ANXA8: variants seen among roughly 807,000 people sequenced by gnomAD.
ANXA8 encodes VAC-beta.
In ANXA8, 9 loss-of-function variants were observed where a neutral mutation model predicts 26.8. The observed-to-expected ratio is 0.34, with a 90% confidence interval of 0.20 to 0.59. The LOEUF is 0.59. ANXA8 is among the 20% of genes least tolerant of loss of function. The pLI is 0.84. For synonymous variants in ANXA8, 39 were observed against 94.8 expected (o/e 0.41, Z 3.42); for missense variants, 83 against 238.5 (o/e 0.35, Z 4.29).
At chr10:47,737,060 G>C in the ANXA8 span, among the ~76,000 whole-genome samples, 2 of 148,718 alleles carry the variant, frequency 1.3e-5, no homozygotes, top group Non-Finnish European at 3.0e-5. Flanking sequence ...ATTTTTATGT[G>C]GGAGAAGCCT....
rs1245478111 is a variant in ANXA8 at position 47,474,054 on chromosome 10, A to G, written c.658T>C (p.Tyr220His). ...ATHLLRVFEE[Y>H]EKIANKSIED... ...ATGCTCTTGTTGGCAATTTTCTCATACTCTTCAAACACTGTGGAGAGGGCT... is the reference window on the plus strand; with the variant it reads ...ATGCTCTTGTTGGCAATTTTCTCATGCTCTTCAAACACTGTGGAGAGGGCT... The change falls in exon 9 of 12, where the codon TAT becomes CAT. Residue 220 changes from tyrosine (Y) to histidine (H), a missense_variant. Physicochemically the swap from Tyr to His is moderately conservative, Grantham distance 83 (BLOSUM62 2). This residue lies in a region of ANXA8 where 28 missense variants were observed against 37.7 expected (regional missense o/e 0.74). Coordinates refer to ENST00000585281, the MANE Select transcript of ANXA8 (RefSeq NM_001040084.3). 2 of 539,316 alleles carry G rather than the reference A, an allele frequency of 3.7e-6. No homozygotes were observed. Among genetic ancestry groups the G allele is most frequent in the African/African-American group, 5.0e-5 (2 of 40,298 alleles). The allele number at this position is 539,316 out of a possible 1,614,324, so 33.4% of individuals were successfully genotyped here. A position where few individuals can be genotyped will look rare whatever the true frequency, so the allele number is the denominator to read the frequency against.
the ANXA8 span, among the ~76,000 whole-genome samples, chr10:47,558,129 A>G: frequency 6.6e-6 from 1 of 151,954 alleles, no homozygotes; most frequent in Non-Finnish European, 1.5e-5. Context: ...GTTAACATAA[A>G]ATAACTGTTT....
the ANXA8 span, among the ~76,000 whole-genome samples, chr10:47,623,994 T>C: frequency 1.0e-5 from 1 of 98,728 alleles, no homozygotes; most frequent in African/African-American, 4.0e-5. Context: ...TCCAGCACTT[T>C]GGGAGGCTGA....
the ANXA8 span, among the ~76,000 whole-genome samples, chr10:47,679,499 C>G: frequency 6.6e-6 from 1 of 151,906 alleles, no homozygotes; most frequent in Admixed American, 6.6e-5. Context: ...TCTGTAATCC[C>G]ACTTACTTGG....
the ANXA8 span, among the ~76,000 whole-genome samples, chr10:47,959,942 C>A: frequency 6.6e-6 from 1 of 151,174 alleles, no homozygotes; most frequent in Non-Finnish European, 1.5e-5. Flanking sequence ...AGGAGCTGTG[C>A]CTAGGCCTGC....
the ANXA8 span, among the ~76,000 whole-genome samples, chr10:47,684,566 T>C: frequency 6.6e-6 from 1 of 151,898 alleles, no homozygotes. Flanking sequence ...TTTGTAAACT[T>C]TCTTAAAACA....
upstream of ANXA8, among the ~76,000 whole-genome samples, chr10:47,485,057 C>A (rs1230611668): frequency 6.7e-6 from 1 of 150,020 alleles, no homozygotes; most frequent in Non-Finnish European, 1.5e-5. Flanking sequence ...TATTTGTTAA[C>A]CATTCCCTTT....
the ANXA8 span, among the ~76,000 whole-genome samples, chr10:47,645,243 C>T: frequency 6.8e-6 from 1 of 147,300 alleles, no homozygotes; most frequent in Non-Finnish European, 1.5e-5. Flanking sequence ...TATGAAAGCC[C>T]ACTTTATTCC....
At chr10:47,517,234 C>A in the ANXA8 span, among the ~76,000 whole-genome samples, 274 of 79,040 alleles carry the variant, frequency 3.5e-3, no homozygotes, top group African/African-American at 0.017. Flanking sequence ...TATTTTTGTT[C>A]TTTCATTAAA....
chr10:47,586,574 G>A, the ANXA8 span, among the ~76,000 whole-genome samples: 2 of 145,720 alleles, frequency 1.4e-5, no homozygotes, highest in East Asian at 3.9e-4. Context: ...GGCCCCGGGG[G>A]ATCCTCAGGG....
chr10:47,762,643 G>A, the ANXA8 span: 2 of 690,276 alleles, frequency 2.9e-6, no homozygotes, highest in Non-Finnish European at 4.0e-6. Flanking sequence ...CCCGCCATGG[G>A]GCTGCTCCCG....
chr10:47,647,776 AC>A, the ANXA8 span, among the ~76,000 whole-genome samples: 5 of 151,848 alleles, frequency 3.3e-5, no homozygotes, highest in African/African-American at 1.2e-4. Context: ...ATTATAAAAA[AC>A]ATTTCATTTC....
the ANXA8 span, among the ~76,000 whole-genome samples, chr10:47,943,832 C>G: frequency 6.8e-6 from 1 of 148,116 alleles, no homozygotes; most frequent in South Asian, 2.1e-4. Context: ...ATCATCCTTG[C>G]TCAGTTCTCA....
chr10:47,589,963 C>T, the ANXA8 span, among the ~76,000 whole-genome samples: 8 of 144,790 alleles, frequency 5.5e-5, no homozygotes, highest in Non-Finnish European at 7.4e-5. Context: ...TGCCTTTGCT[C>T]TACAGCATCT....
At chr10:47,663,255 C>G in the ANXA8 span, among the ~76,000 whole-genome samples, 22 of 148,826 alleles carry the variant, frequency 1.5e-4, 2 homozygotes, top group African/African-American at 5.7e-4. Flanking sequence ...TTTCTGTCTC[C>G]TTCACTGATG....
the ANXA8 span, among the ~76,000 whole-genome samples, chr10:47,978,304 TA>T: frequency 1.3e-5 from 2 of 150,044 alleles, no homozygotes; most frequent in Admixed American, 1.3e-4. Flanking sequence ...CAAGAAATAC[TA>T]AAAGGAGTCT....
the ANXA8 span, among the ~76,000 whole-genome samples, chr10:47,583,800 T>C: frequency 1.4e-5 from 2 of 143,924 alleles, 1 homozygote; most frequent in African/African-American, 5.6e-5. Flanking sequence ...AATCCAGTGG[T>C]TCCTGTTTAG....
chr10:47,647,160 CA>C, the ANXA8 span, among the ~76,000 whole-genome samples: 3 of 152,356 alleles, frequency 2.0e-5, no homozygotes, highest in East Asian at 3.9e-4. Context: ...ATGCTTCTTG[CA>C]TTAACTGCAA....
chr10:47,765,683 GC>G, the ANXA8 span, among the ~76,000 whole-genome samples: 1 of 146,628 alleles, frequency 6.8e-6, no homozygotes, highest in Non-Finnish European at 1.5e-5. Flanking sequence ...AAAAAACCTT[GC>G]CCAGCCCTCC....
Sources: gnomAD v4.1 joint callset for allele counts (sites outside exome capture counted in the v4.1 genomes callset) on GRCh38, gnomAD v4.1.1 for gene constraint, gnomAD v4.1.1 regional missense constraint, MANE v1.5 for transcripts, NCBI Gene and HGNC (gene_info 2026-07-23, HGNC 2026-07-21) for gene names.